Variants in TMEM8B observed in about 807,000 individuals in gnomAD.
TMEM8B encodes nasopharyngeal carcinoma expressed 6.
TMEM8B carries 29 observed loss-of-function variants against 49.3 expected under a neutral mutation model. The observed-to-expected ratio is 0.59, with a 90% confidence interval of 0.44 to 0.80. The LOEUF (loss-of-function observed/expected upper bound fraction) is 0.80. Among genes scored for constraint, TMEM8B ranks in the 30% least tolerant of loss-of-function variants. The pLI, the probability that TMEM8B is intolerant of heterozygous loss-of-function variation, is 0.00. For synonymous variants in TMEM8B, 264 were observed against 272.8 expected (o/e 0.97, Z 0.32); for missense variants, 575 against 658.5 (o/e 0.87, Z 1.39).
rs1832657064 is a variant in TMEM8B at position 35,861,733 on chromosome 9, G to A, written c.*7893G>A. On this transcript the variant is annotated 3_prime_UTR_variant, in exon 13 of 13. Transcript: ENST00000643932. Reference sequence around the variant, plus strand: ...GCTCAGAGGAAACATACACCTGAAGGTGCTGCCCCGGGGGGTGCAATGACC... The same window carrying A: ...GCTCAGAGGAAACATACACCTGAAGATGCTGCCCCGGGGGGTGCAATGACC... 6.6e-6 allele frequency: 1 copy of A among 152,238 alleles called. No homozygotes were observed. Among genetic ancestry groups the A allele is most frequent in the South Asian group, 2.1e-4 (1 of 4,826 alleles). 9.4% of individuals were successfully genotyped at this position (152,238 alleles called of 1,614,324 possible). A position where few individuals can be genotyped will look rare whatever the true frequency, so the allele number is the denominator to read the frequency against.
Position 35,856,379 on chromosome 9 carries a change from A to G in TMEM8B, c.*2539A>G, listed in dbSNP as rs904281034. 1 of 152,276 alleles carries G rather than the reference A, an allele frequency of 6.6e-6. No individual in the cohort carries two copies. The highest frequency in any genetic ancestry group is 6.5e-5 in the Admixed American group (1 of 15,272). The allele number at this position is 152,276 out of a possible 1,614,324, so 9.4% of individuals were successfully genotyped here. ...ATTTACTCCGGGCACTGAATAGTTC[A>G]GTGTGCCTGGGCCAGTGCATGTGCG... On this transcript the variant is annotated 3_prime_UTR_variant, in exon 13 of 13. Transcript: ENST00000643932.
At chr9:35,847,077 G>A (rs776823788) in intron 10 of TMEM8B, 82 bp downstream of exon 10, 9 of 1,614,234 alleles carry the variant, frequency 5.6e-6, no homozygotes, top group Non-Finnish European at 6.8e-6. Flanking sequence ...CACGTTCTCC[G>A]AGGGTTTGGG....
At position 35,853,307 on chromosome 9, in the gene TMEM8B, C is replaced by T. The variant is rs1320328870; in HGVS notation, c.2439+50C>T. ...GGAGGGTCCCAGCAGGACTTGGGTG[C>T]TGGGCCCCAGGTATCTGGTCCCCAG... On this transcript the variant is annotated intron_variant, in intron 12 of 12. Transcript: ENST00000643932. This position sits in a 1 kb window ranked among gnomAD's most constrained non-coding sequence, Gnocchi z 4.2. 2 of 1,540,066 alleles carry T rather than the reference C, an allele frequency of 1.3e-6. No homozygotes were observed. Among genetic ancestry groups the T allele is most frequent in the Non-Finnish European group, 1.8e-6 (2 of 1,116,028 alleles).
In TMEM8B at chr9:35,829,458, C is replaced by T. The variant is rs1829617248; in HGVS notation, c.11C>T (p.Pro4Leu). The T allele has an allele frequency of 5.6e-6, 2 of 358,342 alleles. No homozygotes were observed. The highest frequency in any genetic ancestry group is 4.3e-5 in the African/African-American group (2 of 46,652). 22.2% of individuals were successfully genotyped at this position (358,342 alleles called of 1,614,324 possible). A position where few individuals can be genotyped will look rare whatever the true frequency, so the allele number is the denominator to read the frequency against. Residue 4 changes from proline (P) to leucine (L), a missense_variant, in exon 1 of 13, where the codon CCC becomes CTC. Pro to Leu is a moderately conservative substitution (Grantham distance 98). Coordinates refer to ENST00000643932, the MANE Select transcript of TMEM8B (RefSeq NM_001042590.4). Reference protein sequence around the residue: MAQPLSRPLVLSQS... With the variant: MAQLLSRPLVLSQS... ...CCCCCGCCCCGGGCCATGGCCCAGC[C>T]CTTGTCCCGGCCCCTCGTCCTATCC... is the stretch of plus-strand genomic sequence containing the variant.
At position 35,860,344 on chromosome 9, in the gene TMEM8B, T is replaced by G. The variant is rs4879932; in HGVS notation, c.*6504T>G. On this transcript the variant is annotated 3_prime_UTR_variant, in exon 13 of 13. Coordinates refer to ENST00000643932, the MANE Select transcript of TMEM8B (RefSeq NM_001042590.4). The stretch of plus-strand genomic sequence containing the variant: ...AGGAAGCATCTTTTCTACATTACGG[T>G]TTCATGTGACCAAATTATGGCCATA... The G allele has an allele frequency of 6.6e-6, 1 of 152,184 alleles. No individual in the cohort carries two copies. The highest frequency in any genetic ancestry group is 2.4e-5 in the African/African-American group (1 of 41,400). The allele number at this position is 152,184 out of a possible 1,614,324, so 9.4% of individuals were successfully genotyped here. A position where few individuals can be genotyped will look rare whatever the true frequency, so the allele number is the denominator to read the frequency against.
chr9:35,845,408 T>C, intron 6 of TMEM8B: 13 of 985,486 alleles, frequency 1.3e-5, no homozygotes, highest in Non-Finnish European at 1.6e-5. Context: ...GTTGCCTTTA[T>C]TCTTGTAGAC....
intron 3 of TMEM8B, among the ~76,000 whole-genome samples, chr9:35,838,553 C>T (rs143597619): frequency 3.1e-3 from 468 of 152,174 alleles, no homozygotes; most frequent in East Asian, 0.011. Context: ...AATGCTTCCA[C>T]GAGTATTCAG....
intron 10 of TMEM8B, among the ~76,000 whole-genome samples, chr9:35,848,249 C>T (rs1231026438): frequency 1.3e-5 from 2 of 152,256 alleles, no homozygotes; most frequent in South Asian, 4.1e-4. Flanking sequence ...GAAGCATATA[C>T]CCCAGTTTTG....
At position 35,829,566 on chromosome 9, in the gene TMEM8B, C is replaced by A. The variant is rs1328293749; in HGVS notation, c.119C>A (p.Thr40Asn). 4.8e-5 allele frequency: 19 copies of A among 397,696 alleles called. No individual in the cohort carries two copies. Among genetic ancestry groups the A allele is most frequent in the African/African-American group, 2.1e-5 (1 of 47,926 alleles). The allele number at this position is 397,696 out of a possible 1,614,324, so 24.6% of individuals were successfully genotyped here. The change falls in exon 1 of 13, where the codon ACC becomes AAC. Residue 40 changes from threonine to asparagine, a missense_variant. By Grantham distance (65) the Thr-to-Asn change is moderately conservative (BLOSUM62 0). Coordinates refer to ENST00000643932, the MANE Select transcript of TMEM8B (RefSeq NM_001042590.4). The stretch of plus-strand genomic sequence containing the variant: ...CCCCTGCCTGGGTCCCCATCCAGGA[C>A]CCCCTTCCAGTCTCTGCCCCTGGCC... ...PQPLPGSPSR[T>N]PFQSLPLAWP...
At position 35,834,647 on chromosome 9, in the gene TMEM8B, CTGTG is replaced by C; in HGVS notation, c.698_698+3del. 1 of 415,858 alleles carries C rather than the reference CTGTG, an allele frequency of 2.4e-6. No homozygotes were observed. Among genetic ancestry groups the C allele is most frequent in the Non-Finnish European group, 4.4e-6 (1 of 226,402 alleles). 25.8% of individuals were successfully genotyped at this position (415,858 alleles called of 1,614,324 possible). A position where few individuals can be genotyped will look rare whatever the true frequency, so the allele number is the denominator to read the frequency against. On this transcript the variant is annotated splice_donor_variant and coding_sequence_variant, in exon 2 of 13. Coordinates refer to ENST00000643932, the MANE Select transcript of TMEM8B (RefSeq NM_001042590.4). LOFTEE classifies it high-confidence loss of function. ...GACCACTGCCCAGACCAAAGTGTGACTGTGTGAGTGTCTGAGTTAATTTCCCAAC... is the reference window on the plus strand; with the variant it reads ...GACCACTGCCCAGACCAAAGTGTGACTGAGTGTCTGAGTTAATTTCCCAAC...
intron 1 of TMEM8B, among the ~76,000 whole-genome samples, chr9:35,831,564 A>G (rs1829900702): frequency 6.6e-6 from 1 of 152,220 alleles, no homozygotes; most frequent in African/African-American, 2.4e-5. Flanking sequence ...GTAGCCAGTC[A>G]GGTTTTCAGT....
rs1277337317 is a variant in TMEM8B at position 35,857,112 on chromosome 9, T to TG, written c.*3273dup. The TG allele has an allele frequency of 6.6e-6, 1 of 152,276 alleles. No individual in the cohort carries two copies. The highest frequency in any genetic ancestry group is 2.4e-5 in the African/African-American group (1 of 41,470). The allele number at this position is 152,276 out of a possible 1,614,324, so 9.4% of individuals were successfully genotyped here. On this transcript the variant is annotated 3_prime_UTR_variant, in exon 13 of 13. Transcript: ENST00000643932. The stretch of plus-strand genomic sequence containing the variant: ...GACTGGACTGAGACCCCTGAGCACT[T>TG]GCAGCTGCCTGGGGCATGTTCAGCA...
chr9:35,841,034 C>G lies in TMEM8B; in HGVS notation c.907-100C>G, dbSNP rs575269973. 5.6e-4 allele frequency: 229 copies of G among 411,694 alleles called. No individual in the cohort carries two copies. Among genetic ancestry groups the G allele is most frequent in the African/African-American group, 4.0e-3 (196 of 48,684 alleles). 25.5% of individuals were successfully genotyped at this position (411,694 alleles called of 1,614,324 possible). ...AGAGGCCTGGGAGTGGTGGCCGGGG[C>G]GGGGGTTTCTCCCCAGCCCGCCCAG... On this transcript the variant is annotated intron_variant, in intron 3 of 12. Coordinates refer to ENST00000643932, the MANE Select transcript of TMEM8B (RefSeq NM_001042590.4). This position sits in a 1 kb window ranked among gnomAD's most constrained non-coding sequence, Gnocchi z 5.9.
intron 1 of TMEM8B, chr9:35,833,323 C>G: frequency 7.1e-6 from 7 of 985,380 alleles, no homozygotes; most frequent in Non-Finnish European, 8.4e-6. Context: ...TCCCCACCTT[C>G]TCACCTGTCC....
In TMEM8B at chr9:35,858,181, T is replaced by G. The variant is rs1209325883; in HGVS notation, c.*4341T>G. 1 of 149,634 alleles carries G rather than the reference T, an allele frequency of 6.7e-6. No homozygotes were observed. Among genetic ancestry groups the G allele is most frequent in the Non-Finnish European group, 1.5e-5 (1 of 67,748 alleles). 9.3% of individuals were successfully genotyped at this position (149,634 alleles called of 1,614,324 possible). On this transcript the variant is annotated 3_prime_UTR_variant, in exon 13 of 13. Coordinates refer to ENST00000643932, the MANE Select transcript of TMEM8B (RefSeq NM_001042590.4). ...GTGCAGTGGCGCCATCTCAGCTCACTGCAGCCTCCACCTCCCAAGTTCAAG... is the reference window on the plus strand; with the variant it reads ...GTGCAGTGGCGCCATCTCAGCTCACGGCAGCCTCCACCTCCCAAGTTCAAG...
intron 1 of TMEM8B, among the ~76,000 whole-genome samples, chr9:35,832,837 G>A (rs1474591536): frequency 6.6e-6 from 1 of 152,156 alleles, no homozygotes; most frequent in South Asian, 2.1e-4. Flanking sequence ...AGCACAGCTA[G>A]GGTTCCTAGG....
chr9:35,853,193 G>A lies in TMEM8B; in HGVS notation c.2375G>A (p.Arg792Gln), dbSNP rs759043759. ...CTGTCCATGGCTCTGCAGCTTGACC[G>A]ACATGGACTCTGGAACCTGCTTGGA... ...MLLSMALQLD[R>Q]HGLWNLLGPS... The change falls in exon 12 of 13, where the codon CGA (arginine) becomes CAA (glutamine). Residue 792 changes from arginine to glutamine, a missense_variant. By Grantham distance (43) the Arg-to-Gln change is conservative. Transcript: ENST00000643932. The surrounding 1 kb of genome is among the most constrained non-coding windows in gnomAD (Gnocchi z 4.2). 1.1e-5 allele frequency: 17 copies of A among 1,614,014 alleles called. No homozygotes were observed. Among genetic ancestry groups the A allele is most frequent in the Non-Finnish European group, 1.4e-5 (16 of 1,180,032 alleles).
intron 6 of TMEM8B, among the ~76,000 whole-genome samples, chr9:35,843,587 C>T (rs1240386697): frequency 6.6e-6 from 1 of 152,206 alleles, no homozygotes; most frequent in African/African-American, 2.4e-5. Context: ...TCAGCAGCTG[C>T]ATTACACTGT....
In TMEM8B at chr9:35,841,440, G is replaced by A; in HGVS notation, c.1041-86G>A. On this transcript the variant is annotated intron_variant, in intron 4 of 12. Transcript: ENST00000643932. The surrounding 1 kb of genome is among the most constrained non-coding windows in gnomAD (Gnocchi z 5.9). ...TGAACAGGCCTCCTTCCCACCCTAT[G>A]CCCCCTCCTTCCTAGTGCTTCCCTT... 2.4e-6 allele frequency: 1 copy of A among 411,200 alleles called. No homozygotes were observed. The highest frequency in any genetic ancestry group is 3.1e-4 in the Middle Eastern group (1 of 3,230). The allele number at this position is 411,200 out of a possible 1,614,324, so 25.5% of individuals were successfully genotyped here.
Sources: gnomAD v4.1 joint callset for allele counts (sites outside exome capture counted in the v4.1 genomes callset) on GRCh38, gnomAD v4.1.1 for gene constraint, Gnocchi (gnomAD v3.1) non-coding constraint, MANE v1.5 for transcripts, NCBI Gene and HGNC (gene_info 2026-07-23, HGNC 2026-07-21) for gene names.